The following OXNAD1 variants were observed in gnomAD, a reference collection of about 807,000 sequenced individuals.
OXNAD1 encodes the protein oxidoreductase NAD-binding domain-containing protein 1.
Under a neutral mutation model 32.9 loss-of-function variants are expected in OXNAD1, and 34 were observed. That is an observed-to-expected ratio of 1.03 (90% CI 0.79 to 1.38). OXNAD1 has a LOEUF of 1.38. Among genes scored for constraint, OXNAD1 ranks in the 40% most tolerant of loss-of-function variants. The pLI is 0.00. For synonymous variants in OXNAD1, 134 were observed against 135.2 expected (o/e 0.99, Z 0.06); for missense variants, 407 against 379.4 (o/e 1.07, Z -0.60).
In OXNAD1 at chr3:16,286,442, G is replaced by A; in HGVS notation, c.284G>A (p.Gly95Asp). 6.2e-7 allele frequency: 1 copy of A among 1,613,526 alleles called. No individual in the cohort carries two copies. The highest frequency in any genetic ancestry group is 8.5e-7 in the Non-Finnish European group (1 of 1,179,550). ...GATCAAGACTTTTCCTTTAAAGCTG[G>A]CCAGTGGTAAGTGACTTTTCTGTGT... ...VADQDFSFKA[G>D]QWVDFFIPGV... The change falls in exon 5 of 9, where the codon GGC becomes GAC. Residue 95 changes from glycine (G) to aspartate (D), a missense_variant. By Grantham distance (94) the Gly-to-Asp change is moderately conservative (BLOSUM62 -1). Coordinates refer to ENST00000285083, the MANE Select transcript of OXNAD1 (RefSeq NM_138381.5).
downstream of OXNAD1, among the ~76,000 whole-genome samples, chr3:16,338,684 TA>T (rs1559834083): frequency 6.6e-6 from 1 of 152,240 alleles, no homozygotes; most frequent in Non-Finnish European, 1.5e-5. This position sits in a 1 kb window ranked among gnomAD's most constrained non-coding sequence, Gnocchi z 5.3. Flanking sequence ...GCTACTTTAT[TA>T]CTCTCTTTAG....
chr3:16,333,247 A>G (rs1410509917), intron 9 of OXNAD1, among the ~76,000 whole-genome samples: 1 of 152,242 alleles, frequency 6.6e-6, no homozygotes, highest in East Asian at 1.9e-4. Flanking sequence ...GTGTACCACA[A>G]AAAGGACACT....
downstream of OXNAD1, among the ~76,000 whole-genome samples, chr3:16,341,615 TA>T (rs1245776810): frequency 6.6e-6 from 1 of 152,144 alleles, no homozygotes; most frequent in Admixed American, 6.5e-5. This position sits in a 1 kb window ranked among gnomAD's most constrained non-coding sequence, Gnocchi z 4.7. Context: ...CTCTAAAATA[TA>T]AAGTTTATTT....
rs752850815 is a variant in OXNAD1, at chr3:16,271,017, A to T, written c.65A>T (p.Glu22Val). The change falls in exon 3 of 9, where the codon GAG (glutamate) becomes GTG (valine). Residue 22 changes from glutamate to valine, a missense_variant. Physicochemically the swap from Glu to Val is moderately radical, Grantham distance 121. Transcript: ENST00000285083. The surrounding 1 kb of genome is among the most constrained non-coding windows in gnomAD (Gnocchi z 4.6). ...LRCSVGAIRI[E>V]AASLRLTLST... ...TGCTCTGTTGGAGCCATCCGTATTG[A>T]GGCTGCGTCACTGAGATTGACACTC... 6 of 1,614,170 alleles carry T rather than the reference A, an allele frequency of 3.7e-6. No homozygotes were observed. The South Asian group carries it at 6.6e-5, about 18-fold the overall frequency.
At chr3:16,281,484 A>C (rs372165736) in intron 4 of OXNAD1, among the ~76,000 whole-genome samples, 1 of 151,898 alleles carries the variant, frequency 6.6e-6, no homozygotes. Flanking sequence ...GAGATGTTCA[A>C]CCTATAAGTA....
At chr3:16,324,480 G>A (rs1317509428) in intron 9 of OXNAD1, among the ~76,000 whole-genome samples, 5 of 151,918 alleles carry the variant, frequency 3.3e-5, no homozygotes, top group Non-Finnish European at 7.4e-5. Flanking sequence ...TCTACTCTCT[G>A]CTTCTATGAC....
Position 16,301,940 on chromosome 3 carries a change from A to G in OXNAD1, c.675+72A>G. 6.5e-7 allele frequency: 1 copy of G among 1,540,140 alleles called. No individual in the cohort carries two copies. The highest frequency in any genetic ancestry group is 2.0e-5 in the Admixed American group (1 of 50,126). Reference sequence around the variant, plus strand: ...AATTGTTCATGAAAGTTTTTTCTCTAGGTTTTGTTTTCTCTGCAAAGGTTC... The same window carrying G: ...AATTGTTCATGAAAGTTTTTTCTCTGGGTTTTGTTTTCTCTGCAAAGGTTC... On this transcript the variant is annotated intron_variant, in intron 7 of 8. Transcript: ENST00000285083. The surrounding 1 kb of genome is among the most constrained non-coding windows in gnomAD (Gnocchi z 4.1).
chr3:16,285,038 G>T (rs1246762585), intron 4 of OXNAD1, among the ~76,000 whole-genome samples: 1 of 152,230 alleles, frequency 6.6e-6, no homozygotes, highest in East Asian at 1.9e-4. Flanking sequence ...AAGAGTGCAG[G>T]TAGAGGGTCA....
rs2065687216 is a variant in OXNAD1, at chr3:16,280,851, G to A, written c.184-5491G>A. ...AGCATTAAACATGTGTACTGGTAAA[G>A]TTGGCAAATGTGTTGTTATTTTACT... On this transcript the variant is annotated intron_variant, in intron 4 of 8. Transcript: ENST00000285083. The surrounding 1 kb of genome is among the most constrained non-coding windows in gnomAD (Gnocchi z 4.5). 6.6e-6 allele frequency among the ~76,000 whole-genome samples: 1 copy of A among 152,186 alleles called. No individual in the cohort carries two copies. Among genetic ancestry groups the A allele is most frequent in the Non-Finnish European group, 1.5e-5 (1 of 68,042 alleles).
Position 16,321,695 on chromosome 3 carries a change from T to C in OXNAD1, c.*31-15417T>C, listed in dbSNP as rs1008530964. On this transcript the variant is annotated intron_variant, in intron 9 of 9. Transcript: ENST00000435829. This position sits in a 1 kb window ranked among gnomAD's most constrained non-coding sequence, Gnocchi z 4.8. ...GTCTTGGAATGAGGCAGGAAATAATTAGGTACATGGAAAGAGAAAGCAGTC... is the reference window on the plus strand; with the variant it reads ...GTCTTGGAATGAGGCAGGAAATAATCAGGTACATGGAAAGAGAAAGCAGTC... Among the ~76,000 whole-genome samples the C allele has an allele frequency of 3.9e-5, 6 of 152,090 alleles. No individual in the cohort carries two copies. The highest frequency in any genetic ancestry group is 1.4e-4 in the African/African-American group (6 of 41,398).
In OXNAD1 at chr3:16,271,046, A is replaced by G; in HGVS notation, c.94A>G (p.Thr32Ala). Reference sequence around the variant, plus strand: ...TGCGTCACTGAGATTGACACTCAGCACTTTGCGCCACCTTACTCTAACCAG... The same window carrying G: ...TGCGTCACTGAGATTGACACTCAGCGCTTTGCGCCACCTTACTCTAACCAG... ...EAASLRLTLS[T>A]LRHLTLTSIM... The change falls in exon 3 of 9, where the codon ACT becomes GCT. Residue 32 changes from threonine to alanine, a missense_variant. Transcript: ENST00000285083. The surrounding 1 kb of genome is among the most constrained non-coding windows in gnomAD (Gnocchi z 4.6). 1 of 1,614,114 alleles carries G rather than the reference A, an allele frequency of 6.2e-7. No individual in the cohort carries two copies.
intron 9 of OXNAD1, among the ~76,000 whole-genome samples, chr3:16,347,097 T>C (rs1018983033): frequency 3.9e-5 from 6 of 152,138 alleles, no homozygotes; most frequent in African/African-American, 1.5e-4. Flanking sequence ...TCCCCCATTC[T>C]GGCCCTTTCT....
chr3:16,332,838 TCTAC>T (rs10662085), intron 9 of OXNAD1, among the ~76,000 whole-genome samples: 4 of 151,300 alleles, frequency 2.6e-5, no homozygotes, highest in Non-Finnish European at 4.4e-5. Context: ...CATCGATTTA[TCTAC>T]CTACCTACCT....
intron 9 of OXNAD1, among the ~76,000 whole-genome samples, chr3:16,323,082 CCTT>C (rs2069259585): frequency 6.6e-6 from 1 of 152,188 alleles, no homozygotes; most frequent in African/African-American, 2.4e-5. Context: ...GACTTCGTGC[CCTT>C]CTTTTCATCC....
intron 9 of OXNAD1, among the ~76,000 whole-genome samples, chr3:16,318,529 T>C (rs1375206161): frequency 1.3e-5 from 2 of 152,194 alleles, no homozygotes; most frequent in African/African-American, 4.8e-5. Context: ...AAATCTGCCA[T>C]TTTTGTAGTT....
rs192356686 is a variant in OXNAD1 at position 16,342,878 on chromosome 3, C to T, written c.*31-6298C>T. ...ACATGCAGTTCCCTAATCTCCACCC[C>T]GAAGACCCACTGACTTTGAGTCTCG... On this transcript the variant is annotated intron_variant, in intron 9 of 9. Coordinates refer to the OXNAD1 transcript ENST00000606098. The surrounding 1 kb of genome is among the most constrained non-coding windows in gnomAD (Gnocchi z 4.0). Among the ~76,000 whole-genome samples, 73 of 152,266 alleles carry T rather than the reference C, an allele frequency of 4.8e-4. No individual in the cohort carries two copies. The highest frequency in any genetic ancestry group is 1.7e-3 in the African/African-American group (70 of 41,558).
chr3:16,279,643 C>T (rs1291056529), intron 4 of OXNAD1, among the ~76,000 whole-genome samples: 1 of 151,678 alleles, frequency 6.6e-6, no homozygotes, highest in African/African-American at 2.4e-5. Flanking sequence ...AAGGAGTGGC[C>T]AGCCAGATAG....
chr3:16,299,451 A>G lies in OXNAD1; in HGVS notation c.433-2175A>G, dbSNP rs576707773. On this transcript the variant is annotated intron_variant, in intron 6 of 8. Coordinates refer to ENST00000285083, the MANE Select transcript of OXNAD1 (RefSeq NM_138381.5). The surrounding 1 kb of genome is among the most constrained non-coding windows in gnomAD (Gnocchi z 4.4). Reference sequence around the variant, plus strand: ...AATGAAAACCCACTTATCACCATTCATGTAAAAATCTCCCACATATTTAAA... The same window carrying G: ...AATGAAAACCCACTTATCACCATTCGTGTAAAAATCTCCCACATATTTAAA... 1.3e-5 allele frequency among the ~76,000 whole-genome samples: 2 copies of G among 152,336 alleles called. No individual in the cohort carries two copies. Among genetic ancestry groups the G allele is most frequent in the South Asian group, 2.1e-4 (1 of 4,820 alleles).
At chr3:16,273,535 A>C (rs910256139) in intron 4 of OXNAD1, among the ~76,000 whole-genome samples, 1 of 152,058 alleles carries the variant, frequency 6.6e-6, no homozygotes, top group Non-Finnish European at 1.5e-5. Flanking sequence ...CGAGGACTAC[A>C]GGCACACTAT....
Sources: gnomAD v4.1 joint callset for allele counts (sites outside exome capture counted in the v4.1 genomes callset) on GRCh38, gnomAD v4.1.1 for gene constraint, Gnocchi (gnomAD v3.1) non-coding constraint, MANE v1.5 for transcripts, NCBI Gene and HGNC (gene_info 2026-07-23, HGNC 2026-07-21) for gene names.